Variants in NAALADL2 observed in about 807,000 individuals in gnomAD.
The protein encoded by NAALADL2 is N-acetylated alpha-linked acidic dipeptidase like 2, also known as inactive N-acetylated-alpha-linked acidic dipeptidase-like protein 2.
NAALADL2 carries 76 observed loss-of-function variants against 87.2 expected under a neutral mutation model. The observed-to-expected ratio is 0.87, with a 90% CI of 0.72 to 1.05. The LOEUF (loss-of-function observed/expected upper bound fraction) is 1.05. NAALADL2 is among the 50% of genes least tolerant of loss of function. NAALADL2 has a pLI of 0.00. For missense variants in NAALADL2, 1,089 were observed against 945.8 expected (o/e 1.15, Z -1.99); for synonymous variants, 354 against 331.0 (o/e 1.07, Z -0.75).
chr3:175,070,834 A>G (rs1045151367), intron 1 of NAALADL2, among the ~76,000 whole-genome samples: 1 of 152,132 alleles, frequency 6.6e-6, no homozygotes, highest in Non-Finnish European at 1.5e-5. Context: ...AGTACATAGT[A>G]AATATATTAA....
At chr3:175,066,632 C>A (rs1295173079) in intron 1 of NAALADL2, among the ~76,000 whole-genome samples, 2 of 152,100 alleles carry the variant, frequency 1.3e-5, no homozygotes, top group Non-Finnish European at 2.9e-5. Context: ...AGTTTGGATG[C>A]TTTTCCTGGA....
chr3:174,552,710 C>A (rs568500122), intron 2 of NAALADL2, among the ~76,000 whole-genome samples: 73 of 138,888 alleles, frequency 5.3e-4, no homozygotes, highest in Non-Finnish European at 7.9e-4. Context: ...GTGGGAGGAT[C>A]ATTTGAGCCC....
chr3:175,662,791 A>C (rs1732437628), intron 11 of NAALADL2, among the ~76,000 whole-genome samples: 1 of 151,986 alleles, frequency 6.6e-6, no homozygotes, highest in South Asian at 2.1e-4. Context: ...GTATTGTATC[A>C]CATTCATTGA....
chr3:175,025,962 A>C (rs1242135245), intron 1 of NAALADL2, among the ~76,000 whole-genome samples: 1 of 151,928 alleles, frequency 6.6e-6, no homozygotes, highest in East Asian at 1.9e-4. Flanking sequence ...GGTGCATACC[A>C]CTATACCCAG....
At chr3:175,703,397 A>G (rs761502424) in intron 11 of NAALADL2, among the ~76,000 whole-genome samples, 2 of 152,144 alleles carry the variant, frequency 1.3e-5, no homozygotes, top group East Asian at 1.9e-4. Flanking sequence ...ACAGTCCCCA[A>G]TACATGTACT....
At chr3:175,105,684 T>C (rs1723018439) in intron 2 of NAALADL2, among the ~76,000 whole-genome samples, 1 of 136,748 alleles carries the variant, frequency 7.3e-6, no homozygotes, top group Non-Finnish European at 1.6e-5. Flanking sequence ...CACACACACA[T>C]CCCTTTGATT....
intron 11 of NAALADL2, among the ~76,000 whole-genome samples, chr3:175,716,283 A>G (rs147700360): frequency 0.01 from 1,479 of 146,250 alleles, 29 homozygotes; most frequent in African/African-American, 0.035. Flanking sequence ...AATATATATT[A>G]TGTTATTACA....
At chr3:175,094,943 G>A (rs1720865319) in intron 1 of NAALADL2, among the ~76,000 whole-genome samples, 2 of 151,868 alleles carry the variant, frequency 1.3e-5, no homozygotes, top group Admixed American at 1.3e-4. Flanking sequence ...AGATGCTTTA[G>A]GTTTACTATG....
chr3:175,674,260 G>T (rs12107548), intron 11 of NAALADL2, among the ~76,000 whole-genome samples: 18,344 of 125,164 alleles, frequency 0.15, 2,286 homozygotes, highest in African/African-American at 0.4. Flanking sequence ...TTTTTTTTTT[G>T]TTTGTTTTGT....
At chr3:175,088,348 G>C (rs760606269) in intron 1 of NAALADL2, among the ~76,000 whole-genome samples, 1 of 152,154 alleles carries the variant, frequency 6.6e-6, no homozygotes, top group Non-Finnish European at 1.5e-5. Flanking sequence ...TAGACATACT[G>C]TGCAAATGTG....
chr3:175,118,754 A>C (rs1438665922), intron 2 of NAALADL2, among the ~76,000 whole-genome samples: 1 of 151,806 alleles, frequency 6.6e-6, no homozygotes, highest in Non-Finnish European at 1.5e-5. Flanking sequence ...CTGCTGTAAC[A>C]ATATCATGAT....
chr3:175,548,360 T>TG (rs1713742381), intron 9 of NAALADL2, among the ~76,000 whole-genome samples: 1 of 152,030 alleles, frequency 6.6e-6, no homozygotes. Flanking sequence ...TGAGAACACA[T>TG]GGACACATAG....
At chr3:175,208,302 C>G (rs892906038) in intron 2 of NAALADL2, among the ~76,000 whole-genome samples, 42 of 152,110 alleles carry the variant, frequency 2.8e-4, no homozygotes, top group African/African-American at 2.7e-4. Context: ...ATTCGGAATA[C>G]TCGTTTCTTC....
intron 3 of NAALADL2, 77 bp from the exon 4 acceptor site, chr3:175,256,334 T>C: frequency 7.5e-7 from 1 of 1,332,134 alleles, no homozygotes; most frequent in Non-Finnish European, 1.0e-6. Flanking sequence ...ATGAATAATT[T>C]TGTTATACTA....
At chr3:174,857,107 G>A (rs543283866), upstream of NAALADL2, among the ~76,000 whole-genome samples, 1 of 152,090 alleles carries the variant, frequency 6.6e-6, no homozygotes. Context: ...ACAAGGAAGG[G>A]ACCTGAACTC....
chr3:174,636,408 T>C (rs936633838), intron 2 of NAALADL2, among the ~76,000 whole-genome samples: 10 of 152,196 alleles, frequency 6.6e-5, no homozygotes, highest in Middle Eastern at 3.4e-3. Context: ...AGACAACCTA[T>C]TGAGTGGGAG....
intron 2 of NAALADL2, among the ~76,000 whole-genome samples, chr3:174,664,994 A>G (rs186990857): frequency 1.4e-4 from 21 of 152,344 alleles, no homozygotes; most frequent in Admixed American, 1.3e-3. Flanking sequence ...GCTTAGCCAC[A>G]GGCTAGCTTG....
intron 5 of NAALADL2, among the ~76,000 whole-genome samples, chr3:175,377,625 C>A (rs777941112): frequency 3.9e-5 from 6 of 152,238 alleles, no homozygotes; most frequent in Non-Finnish European, 8.8e-5. Context: ...TGACCATGGC[C>A]CACAGTGAGA....
At chr3:175,271,362 T>A (rs1689716734) in intron 4 of NAALADL2, among the ~76,000 whole-genome samples, 2 of 152,326 alleles carry the variant, frequency 1.3e-5, no homozygotes, top group Admixed American at 6.5e-5. Context: ...ACGTGAATTA[T>A]TTAATTGAGA....
Sources: gnomAD v4.1 joint callset for allele counts (sites outside exome capture counted in the v4.1 genomes callset) on GRCh38, gnomAD v4.1.1 for gene constraint, MANE v1.5 for transcripts, NCBI Gene and HGNC (gene_info 2026-07-23, HGNC 2026-07-21) for gene names.